Variants in ZNF99 observed in about 807,000 individuals in gnomAD.
The protein encoded by ZNF99 is zinc finger protein 99.
ZNF99 carries 8 observed loss-of-function variants against 12.8 expected under a neutral mutation model. The ratio of observed to expected loss-of-function variants is 0.62; its 90% CI spans 0.37 to 1.13. The LOEUF (loss-of-function observed/expected upper bound fraction) is 1.13. ZNF99 is among the 50% of genes most tolerant of loss of function. ZNF99 has a pLI of 0.02. For missense variants in ZNF99, 1,007 were observed against 1,006.2 expected (o/e 1.00, Z -0.01); for synonymous variants, 318 against 319.0 (o/e 1.00, Z 0.03).
intron 1 of ZNF99, among the ~76,000 whole-genome samples, chr19:22,776,364 A>G (rs908321479): frequency 7.3e-6 from 1 of 137,898 alleles, no homozygotes. Context: ...TAAAAAAAAA[A>G]AAAAAAGTAA....
At chr19:22,761,234 T>C (rs1159399567) in intron 3 of ZNF99, among the ~76,000 whole-genome samples, 1 of 152,184 alleles carries the variant, frequency 6.6e-6, no homozygotes, top group East Asian at 1.9e-4. Context: ...AAAATGAGGA[T>C]ACCTCTTCCC....
chr19:22,762,627 A>G (rs1388286872), intron 3 of ZNF99, among the ~76,000 whole-genome samples: 1 of 152,120 alleles, frequency 6.6e-6, no homozygotes, highest in Non-Finnish European at 1.5e-5. Context: ...GCCCTTCCTA[A>G]TTCATTCTAT....
At chr19:22,780,145 T>C (rs2145161463) in intron 1 of ZNF99, among the ~76,000 whole-genome samples, 1 of 152,298 alleles carries the variant, frequency 6.6e-6, no homozygotes, top group East Asian at 1.9e-4. Context: ...ACTGATCCTT[T>C]AATAACCTCC....
rs1346645317 is a variant in ZNF99 at position 22,752,975 on chromosome 19, TTC to T, written c.*4337_*4338del. 6.6e-6 allele frequency: 1 copy of T among 152,122 alleles called. No individual in the cohort carries two copies. Among genetic ancestry groups the T allele is most frequent in the Non-Finnish European group, 1.5e-5 (1 of 67,976 alleles). The allele number at this position is 152,122 out of a possible 1,614,324, so 9.4% of individuals were successfully genotyped here. A position where few individuals can be genotyped will look rare whatever the true frequency, so the allele number is the denominator to read the frequency against. On this transcript the variant is annotated 3_prime_UTR_variant, in exon 4 of 4. Coordinates refer to ENST00000596209, the MANE Select transcript of ZNF99 (RefSeq NM_001080409.3). ...CATGCATTTTATATTTTAATATCCTTTCTCTTTTATGAAAAAGGTCATAAATA... is the reference window on the plus strand; with the variant it reads ...CATGCATTTTATATTTTAATATCCTTTCTTTTATGAAAAAGGTCATAAATA...
rs1283143798 is a variant in ZNF99, at chr19:22,758,086, A to C, written c.1823T>G (p.Leu608Arg). ...AGTATGAATTATCTGATGTTTTCTA[A>C]GGGCTGAGAAGTGGTTAAAAGCTTT... ...CGKAFNHFSA[L>R]RKHQIIHTGK... is the part of the protein sequence containing the mutation. Residue 608 changes from leucine to arginine, a missense_variant, in exon 4 of 4, where the codon CTT becomes CGT. Transcript: ENST00000596209. 6.2e-7 allele frequency: 1 copy of C among 1,604,738 alleles called. No individual in the cohort carries two copies. The highest frequency in any genetic ancestry group is 1.1e-5 in the South Asian group (1 of 90,546).
intron 1 of ZNF99, chr19:22,770,103 A>T (rs1973250109): frequency 2.0e-6 from 2 of 976,928 alleles, no homozygotes. Flanking sequence ...CAAGCTCACC[A>T]GTAATGCCTG....
rs74174102 is a variant in ZNF99, at chr19:22,771,246, CTTTTT to C, written c.4-1927_4-1923del. ...GCAACTTGCCTTTAAAAAGCATTTT[CTTTTT>C]TTTTTTTTTTTTTTTTTTTTTTGAG... On this transcript the variant is annotated intron_variant, in intron 1 of 3. Coordinates refer to ENST00000596209, the MANE Select transcript of ZNF99 (RefSeq NM_001080409.3). 1.7e-3 allele frequency: 118 copies of C among 68,190 alleles called. 1 individual carries two copies. The highest frequency in any genetic ancestry group is 7.1e-3 in the African/African-American group (105 of 14,692). 4.2% of individuals were successfully genotyped at this position (68,190 alleles called of 1,614,324 possible).
Position 22,779,253 on chromosome 19 carries a change from C to T in ZNF99, c.3+4761G>A, listed in dbSNP as rs139662124. Among the ~76,000 whole-genome samples the T allele has an allele frequency of 3.7e-3, 562 of 151,942 alleles. 4 individuals carry two copies. The highest frequency in any genetic ancestry group is 0.013 in the African/African-American group (533 of 41,426). Reference sequence around the variant, plus strand: ...ATAAATAAATAAATCGGGCCGGGCGCGGTAGCTCATGCGTGTAATCCTAGC... The same window carrying T: ...ATAAATAAATAAATCGGGCCGGGCGTGGTAGCTCATGCGTGTAATCCTAGC... On this transcript the variant is annotated intron_variant, in intron 1 of 3. Transcript: ENST00000596209.
chr19:22,757,320 C>G lies in ZNF99; in HGVS notation c.2589G>C (p.Met863Ile), dbSNP rs767848190. Residue 863 changes from methionine to isoleucine, a missense_variant, in exon 4 of 4, where the codon ATG becomes ATC. Met to Ile is a conservative substitution (Grantham distance 10). Transcript: ENST00000596209. The stretch of plus-strand genomic sequence containing the variant: ...GGTTTCTTTCCAGTATGAATTATCT[C>G]ATGTTTTCTAAGGGCTGAGAAATGT... ...LLNISQPLENMR is the reference protein window; with the variant it reads ...LLNISQPLENIR The G allele has an allele frequency of 1.6e-5, 26 of 1,590,880 alleles. 1 individual carries two copies. The highest frequency in any genetic ancestry group is 7.8e-5 in the South Asian group (7 of 89,226).
At position 22,752,856 on chromosome 19, in the gene ZNF99, T is replaced by C. The variant is rs1568380145; in HGVS notation, c.*4458A>G. ...AAATTTTAAAATGTTTTTCTCACTATAATGCACAAAAATATATTCCTCAGA... is the reference window on the plus strand; with the variant it reads ...AAATTTTAAAATGTTTTTCTCACTACAATGCACAAAAATATATTCCTCAGA... On this transcript the variant is annotated 3_prime_UTR_variant, in exon 4 of 4. Coordinates refer to ENST00000596209, the MANE Select transcript of ZNF99 (RefSeq NM_001080409.3). 6.6e-6 allele frequency: 1 copy of C among 152,170 alleles called. No individual in the cohort carries two copies. The highest frequency in any genetic ancestry group is 2.4e-5 in the African/African-American group (1 of 41,458). 9.4% of individuals were successfully genotyped at this position (152,170 alleles called of 1,614,324 possible). A position where few individuals can be genotyped will look rare whatever the true frequency, so the allele number is the denominator to read the frequency against.
chr19:22,762,131 G>A (rs894920199), intron 3 of ZNF99, among the ~76,000 whole-genome samples: 17 of 151,108 alleles, frequency 1.1e-4, no homozygotes, highest in African/African-American at 3.9e-4. Context: ...AAAAAAAATA[G>A]TCACAGTCAG....
At chr19:22,771,672 T>G (rs986136017) in intron 1 of ZNF99, among the ~76,000 whole-genome samples, 10 of 149,812 alleles carry the variant, frequency 6.7e-5, no homozygotes, top group African/African-American at 2.5e-4. Flanking sequence ...ATAGGAATCT[T>G]GAGTATCCAC....
intron 3 of ZNF99, among the ~76,000 whole-genome samples, chr19:22,766,560 A>G (rs1056356817): frequency 4.1e-4 from 63 of 151,924 alleles, no homozygotes; most frequent in African/African-American, 1.5e-3. Context: ...GCTAGTCTCA[A>G]ACTCCTGACC....
At chr19:22,769,904 T>TGATA in intron 1 of ZNF99, 1 of 1,360,340 alleles carries the variant, frequency 7.4e-7, no homozygotes, top group Non-Finnish European at 9.8e-7. Context: ...ATTAAGGGCA[T>TGATA]GATAACATGT....
chr19:22,758,652 A>G lies in ZNF99; in HGVS notation c.1257T>C (p.His419=), dbSNP rs760944594. The G allele has an allele frequency of 1.2e-6, 2 of 1,612,932 alleles. No individual in the cohort carries two copies. Among genetic ancestry groups the G allele is most frequent in the Admixed American group, 3.3e-5 (2 of 59,964 alleles). The stretch of plus-strand genomic sequence containing the variant: ...CACATTTGCAGGGTTTCTCTGCAGT[A>G]TGAATTACCTTATGTACAGTAAGTT... ...SSKLTVHKVI[H]TAEKPCKCEE... Residue 419 remains histidine (H), a synonymous_variant, in exon 4 of 4, where the codon CAT becomes CAC. Transcript: ENST00000596209.
chr19:22,757,422 G>T lies in ZNF99; in HGVS notation c.2487C>A (p.Ser829=). The part of the protein sequence containing the change: ...CEECGKAFQW[S]SKLTLHKVIH... ...TTACCTTATGTAAAGTAAGTTTTGA[G>T]GACCACTGAAAAGCTTTACCACATT... is the stretch of plus-strand genomic sequence containing the variant. Residue 829 remains serine, a synonymous_variant, in exon 4 of 4, where the codon TCC becomes TCA. Coordinates refer to ENST00000596209, the MANE Select transcript of ZNF99 (RefSeq NM_001080409.3). 1 of 1,607,456 alleles carries T rather than the reference G, an allele frequency of 6.2e-7. No homozygotes were observed. Among genetic ancestry groups the T allele is most frequent in the African/African-American group, 1.4e-5 (1 of 73,882 alleles).
intron 1 of ZNF99, among the ~76,000 whole-genome samples, chr19:22,769,597 CT>C (rs1973243486): frequency 1.3e-5 from 2 of 151,966 alleles, no homozygotes; most frequent in South Asian, 4.2e-4. Context: ...GAAACCCCGT[CT>C]CTACTAAAAA....
At chr19:22,769,413 A>C in intron 1 of ZNF99, 89 bp from the exon 2 acceptor site, 1 of 1,417,740 alleles carries the variant, frequency 7.1e-7, no homozygotes, top group South Asian at 1.2e-5. Context: ...GAGAGAGTAA[A>C]GAGAACAGGT....
At chr19:22,760,969 A>G (rs1467946421) in intron 3 of ZNF99, among the ~76,000 whole-genome samples, 1 of 151,850 alleles carries the variant, frequency 6.6e-6, no homozygotes, top group Admixed American at 6.6e-5. Flanking sequence ...AGCCAAGACA[A>G]TTGGTTTCAG....
Sources: allele counts gnomAD v4.1 joint callset (sites outside exome capture counted in the v4.1 genomes callset), GRCh38; gene constraint gnomAD v4.1.1; transcripts MANE v1.5; gene names NCBI Gene and HGNC (gene_info 2026-07-23, HGNC 2026-07-21).